The following RIMS2 variants were observed in gnomAD, a reference collection of about 807,000 sequenced individuals.
RIMS2 encodes regulating synaptic membrane exocytosis protein 2.
A neutral mutation model predicts 174.4 loss-of-function variants in RIMS2; 59 were observed. The observed-to-expected ratio is 0.34, with a 90% confidence interval of 0.27 to 0.42. The LOEUF (loss-of-function observed/expected upper bound fraction) is 0.42. Among genes scored for constraint, RIMS2 ranks in the 10% least tolerant of loss-of-function variants. The pLI is 1.00. For synonymous variants in RIMS2, 606 were observed against 572.5 expected, an observed-to-expected ratio of 1.06 and a Z score of -0.84; for missense variants, 1,620 against 1,666.3, an observed-to-expected ratio of 0.97 and a Z score of 0.48.
intron 3 of RIMS2, among the ~76,000 whole-genome samples, chr8:103,850,869 T>C (rs936451312): frequency 1.3e-5 from 2 of 152,140 alleles, no homozygotes; most frequent in East Asian, 3.9e-4. Flanking sequence ...CACTACTGGA[T>C]AAGACAACTA....
At chr8:104,042,118 T>A (rs1280969861) in intron 19 of RIMS2, among the ~76,000 whole-genome samples, 1 of 151,436 alleles carries the variant, frequency 6.6e-6, no homozygotes, top group Non-Finnish European at 1.5e-5. Context: ...TATACACACA[T>A]ATATAAAATA....
intron 3 of RIMS2, among the ~76,000 whole-genome samples, chr8:103,843,307 T>C (rs945218227): frequency 3.9e-5 from 6 of 152,226 alleles, no homozygotes; most frequent in African/African-American, 1.4e-4. Flanking sequence ...GACAGGGTGT[T>C]GCTATCTTGC....
At chr8:103,527,220 C>T (rs1298472430) in intron 1 of RIMS2, among the ~76,000 whole-genome samples, 5 of 152,072 alleles carry the variant, frequency 3.3e-5, no homozygotes, top group Non-Finnish European at 5.9e-5. Context: ...AGAGATATGT[C>T]ACCAGCTTCC....
intron 19 of RIMS2, among the ~76,000 whole-genome samples, chr8:104,056,287 C>T (rs1478588335): frequency 2.0e-5 from 3 of 151,668 alleles, no homozygotes; most frequent in Non-Finnish European, 4.4e-5. Context: ...GTCTGTAGTC[C>T]CACTTACTCA....
intron 3 of RIMS2, among the ~76,000 whole-genome samples, chr8:103,781,162 A>G (rs2098384312): frequency 6.6e-6 from 1 of 152,140 alleles, no homozygotes; most frequent in African/African-American, 2.4e-5. Context: ...TGAGTTAAGG[A>G]ACAGTTTCCA....
intron 19 of RIMS2, among the ~76,000 whole-genome samples, chr8:104,202,244 A>G (rs2137070616): frequency 6.6e-6 from 1 of 152,352 alleles, no homozygotes; most frequent in Non-Finnish European, 1.5e-5. Flanking sequence ...TTAAAAGAGC[A>G]GAAGTACTTA....
chr8:103,830,058 C>T (rs2098816216), intron 3 of RIMS2, among the ~76,000 whole-genome samples: 1 of 151,886 alleles, frequency 6.6e-6, no homozygotes, highest in Admixed American at 6.6e-5. Context: ...TCTTTATTAT[C>T]TTGTTAATAT....
In RIMS2 at chr8:104,163,225, T is replaced by G. The variant is rs140784688; in HGVS notation, c.3335-81691T>G. Among the ~76,000 whole-genome samples the G allele has an allele frequency of 5.6e-3, 859 of 152,284 alleles. 8 individuals are homozygous for G. The highest frequency in any genetic ancestry group is 0.01 in the Non-Finnish European group (708 of 68,004). ...AAGTGGACAAATTCTTCTAATATTATTCTAGGATGAAGTATTTTTTTAACT... is the reference window on the plus strand; with the variant it reads ...AAGTGGACAAATTCTTCTAATATTAGTCTAGGATGAAGTATTTTTTTAACT... On this transcript the variant is annotated intron_variant, in intron 19 of 23. Coordinates refer to ENST00000504942, the Ensembl canonical transcript of RIMS2.
intron 14 of RIMS2, among the ~76,000 whole-genome samples, chr8:103,952,161 G>A (rs765895119): frequency 3.9e-5 from 6 of 152,114 alleles, no homozygotes; most frequent in Non-Finnish European, 8.8e-5. Context: ...GGGGGAAGGA[G>A]CGGTTGGGGG....
intron 19 of RIMS2, among the ~76,000 whole-genome samples, chr8:104,144,820 T>C (rs2098618615): frequency 6.6e-6 from 1 of 152,112 alleles, no homozygotes; most frequent in Non-Finnish European, 1.5e-5. Context: ...TAGCACAAAA[T>C]ATTGCTTCTT....
At chr8:104,039,093 A>G (rs2096566703) in intron 19 of RIMS2, among the ~76,000 whole-genome samples, 1 of 151,816 alleles carries the variant, frequency 6.6e-6, no homozygotes, top group African/African-American at 2.4e-5. Flanking sequence ...CATATTCCTT[A>G]TAAGAATGAA....
chr8:103,975,438 G>T, exon 16 of RIMS2: 1 of 1,612,468 alleles, frequency 6.2e-7, no homozygotes, highest in Non-Finnish European at 8.5e-7. Flanking sequence ...CACCATCAGG[G>T]TCTCCTCATC....
intron 2 of RIMS2, among the ~76,000 whole-genome samples, chr8:103,763,786 T>C (rs1195984296): frequency 2.0e-5 from 3 of 152,216 alleles, no homozygotes; most frequent in African/African-American, 7.2e-5. Context: ...TTCCAATTCT[T>C]TTTCTCATTT....
chr8:103,915,588 A>G (rs1475399569), exon 7 of RIMS2: 1 of 1,553,600 alleles, frequency 6.4e-7, no homozygotes, highest in Non-Finnish European at 8.9e-7. Flanking sequence ...AGGACATCTT[A>G]GACCAGGTAG....
intron 19 of RIMS2, among the ~76,000 whole-genome samples, chr8:104,062,017 A>C (rs1489585275): frequency 1.3e-5 from 2 of 152,120 alleles, no homozygotes; most frequent in Non-Finnish European, 2.9e-5. Flanking sequence ...CAAAAATATG[A>C]TCATTTTTAA....
chr8:103,919,194 C>T (rs1299931009), intron 9 of RIMS2, among the ~76,000 whole-genome samples: 2 of 152,028 alleles, frequency 1.3e-5, no homozygotes, highest in Non-Finnish European at 2.9e-5. Context: ...ATATGTTGAT[C>T]AGGATAGACC....
chr8:103,790,814 T>C (rs893260555), intron 3 of RIMS2, among the ~76,000 whole-genome samples: 4 of 152,236 alleles, frequency 2.6e-5, no homozygotes, highest in Non-Finnish European at 4.4e-5. Flanking sequence ...ATTGTAATAC[T>C]GTTATGATTT....
chr8:103,537,931 T>A (rs1840600384), intron 1 of RIMS2, among the ~76,000 whole-genome samples: 1 of 152,182 alleles, frequency 6.6e-6, no homozygotes, highest in South Asian at 2.1e-4. Flanking sequence ...GTGATACATT[T>A]TGGTTACCTG....
At chr8:103,630,345 T>G (rs1316822853) in intron 1 of RIMS2, among the ~76,000 whole-genome samples, 1 of 151,902 alleles carries the variant, frequency 6.6e-6, no homozygotes, top group Non-Finnish European at 1.5e-5. Flanking sequence ...AAATCTTAAA[T>G]CTAGCAAAAA....
Sources: allele counts gnomAD v4.1 joint callset (sites outside exome capture counted in the v4.1 genomes callset), GRCh38; gene constraint gnomAD v4.1.1; transcripts MANE v1.5; gene names NCBI Gene and HGNC (gene_info 2026-07-23, HGNC 2026-07-21).